The following CD46 variants were observed in gnomAD, a reference collection of about 807,000 sequenced individuals.
CD46 encodes the protein CD46 molecule.
Under a neutral mutation model 53.3 loss-of-function variants are expected in CD46, and 30 were observed. The ratio of observed to expected loss-of-function variants is 0.56; its 90% CI spans 0.42 to 0.76. The LOEUF is 0.76. CD46 is among the 30% of genes least tolerant of loss of function. The pLI is 0.00. For missense variants in CD46, 409 were observed against 463.0 expected (o/e 0.88, Z 1.07); for synonymous variants, 142 against 152.0 (o/e 0.93, Z 0.48).
intron 6 of CD46, chr1:207,767,519 G>C: frequency 9.1e-7 from 1 of 1,095,572 alleles, no homozygotes; most frequent in Non-Finnish European, 1.4e-6. Context: ...TTTTATCTAA[G>C]TAAGTCAACA....
chr1:207,752,436 A>G lies in CD46; in HGVS notation c.97+127A>G. On this transcript the variant is annotated intron_variant, in intron 1 of 12. Transcript: ENST00000367042. This position sits in a 1 kb window ranked among gnomAD's most constrained non-coding sequence, Gnocchi z 4.1. ...GGGGACAGGGTTCTCTGAGGGGTGC[A>G]GTGCTCAGATCCCGGGGGTATGTGG... 1 of 882,822 alleles carries G rather than the reference A, an allele frequency of 1.1e-6. No individual in the cohort carries two copies. Among genetic ancestry groups the G allele is most frequent in the African/African-American group, 1.6e-5 (1 of 61,192 alleles). 54.7% of individuals were successfully genotyped at this position (882,822 alleles called of 1,614,324 possible).
At chr1:207,789,483 T>G (rs1396602359) in intron 11 of CD46, among the ~76,000 whole-genome samples, 1 of 152,166 alleles carries the variant, frequency 6.6e-6, no homozygotes, top group Non-Finnish European at 1.5e-5. Context: ...CTTCAAAAAT[T>G]TTTGAGCAAC....
chr1:207,790,549 C>T (rs149552601), intron 12 of CD46, among the ~76,000 whole-genome samples: 25 of 152,230 alleles, frequency 1.6e-4, no homozygotes, highest in South Asian at 6.2e-4. Context: ...CAGGCTTTGA[C>T]GTAGGCTTTA....
chr1:207,768,648 T>C lies in CD46; in HGVS notation c.901+825T>C, dbSNP rs1206859473. 2.0e-5 allele frequency: 3 copies of C among 152,256 alleles called. No individual in the cohort carries two copies. In the East Asian group the frequency reaches 5.8e-4, roughly 29 times the overall value. 9.4% of individuals were successfully genotyped at this position (152,256 alleles called of 1,614,324 possible). ...AATAGAAGACTTTTGCAGGGACTCC[T>C]GGTCAACCACTGTGCTTATGACTGG... On this transcript the variant is annotated intron_variant, in intron 7 of 12. Coordinates refer to ENST00000367042, the MANE Select transcript of CD46 (RefSeq NM_172351.3).
At chr1:207,765,931 A>G (rs1656793960) in intron 5 of CD46, among the ~76,000 whole-genome samples, 1 of 152,210 alleles carries the variant, frequency 6.6e-6, no homozygotes, top group Non-Finnish European at 1.5e-5. Flanking sequence ...TGAATGAACC[A>G]CCTGTGCTAC....
At chr1:207,769,859 T>G in intron 7 of CD46, 1 of 164,090 alleles carries the variant, frequency 6.1e-6, no homozygotes, top group Non-Finnish European at 1.3e-5. Context: ...GCCTCCCGGG[T>G]TCAAGCGGTT....
In CD46 at chr1:207,793,731, C is replaced by T; in HGVS notation, c.*254C>T. On this transcript the variant is annotated 3_prime_UTR_variant, in exon 13 of 13. Coordinates refer to ENST00000367042, the MANE Select transcript of CD46 (RefSeq NM_172351.3). Reference sequence around the variant, plus strand: ...AATGTGGCTTGAATGTAGGTAGCATCCTTTGATGCTTCTTTGAAACTTGTA... The same window carrying T: ...AATGTGGCTTGAATGTAGGTAGCATTCTTTGATGCTTCTTTGAAACTTGTA... The T allele has an allele frequency of 1.4e-6, 1 of 740,402 alleles. No individual in the cohort carries two copies. Among genetic ancestry groups the T allele is most frequent in the East Asian group, 2.7e-5 (1 of 37,242 alleles). 45.9% of individuals were successfully genotyped at this position (740,402 alleles called of 1,614,324 possible).
At chr1:207,753,800 T>G (rs1655194079) in intron 1 of CD46, among the ~76,000 whole-genome samples, 1 of 152,256 alleles carries the variant, frequency 6.6e-6, no homozygotes, top group Non-Finnish European at 1.5e-5. Context: ...GCGCGTCATG[T>G]GTATCTATGT....
At chr1:207,754,833 G>A (rs969884832) in intron 1 of CD46, among the ~76,000 whole-genome samples, 2 of 147,456 alleles carry the variant, frequency 1.4e-5, no homozygotes, top group African/African-American at 2.5e-5. Context: ...GGGAGTAGTG[G>A]TGATAAGAAG....
chr1:207,767,481 C>T (rs1656990023), intron 6 of CD46: 1 of 870,178 alleles, frequency 1.1e-6, no homozygotes, highest in Non-Finnish European at 1.9e-6. Context: ...TGAATTACAA[C>T]AACTTTTTGG....
chr1:207,756,232 T>C (rs1384944111), intron 1 of CD46, among the ~76,000 whole-genome samples: 3 of 152,096 alleles, frequency 2.0e-5, no homozygotes, highest in African/African-American at 7.2e-5. Context: ...AGCTATTCAG[T>C]GTGGCAGAGT....
intron 10 of CD46, 91 bp downstream of exon 10, chr1:207,785,197 T>C (rs1216901307): frequency 2.7e-5 from 29 of 1,062,152 alleles, no homozygotes; most frequent in Non-Finnish European, 3.9e-5. Flanking sequence ...CTATAGTTTT[T>C]TCAGCTTGTA....
chr1:207,772,385 C>A (rs1420903132), intron 8 of CD46, among the ~76,000 whole-genome samples: 1 of 152,132 alleles, frequency 6.6e-6, no homozygotes, highest in Admixed American at 6.6e-5. Flanking sequence ...TAATTGAATA[C>A]CCTTTATTTC....
chr1:207,789,257 A>G (rs1269696154), intron 11 of CD46, among the ~76,000 whole-genome samples: 1 of 152,204 alleles, frequency 6.6e-6, no homozygotes, highest in African/African-American at 2.4e-5. Flanking sequence ...ATTACCTGTG[A>G]CAAATAGTTT....
chr1:207,790,132 C>A (rs1247712899), intron 11 of CD46, 121 bp from the exon 12 acceptor site: 7 of 724,406 alleles, frequency 9.7e-6, no homozygotes, highest in Non-Finnish European at 1.8e-5. Context: ...AAGTTATGAA[C>A]CTAATTCTCA....
chr1:207,792,950 T>TAA (rs1659937401), intron 12 of CD46, among the ~76,000 whole-genome samples: 1 of 152,272 alleles, frequency 6.6e-6, no homozygotes, highest in Non-Finnish European at 1.5e-5. Context: ...TGGAAAATTT[T>TAA]AAATTACATG....
Position 207,757,717 on chromosome 1 carries a change from C to T in CD46, c.389+75C>T, listed in dbSNP as rs1009094887. On this transcript the variant is annotated intron_variant, in intron 3 of 12. Transcript: ENST00000367042. ...TGTTTTGCTTCTCTTCTTAAGCATT[C>T]CTGTAAACTTAATTTTGCTTTCTAT... 8 of 957,870 alleles carry T rather than the reference C, an allele frequency of 8.4e-6. No individual in the cohort carries two copies. The African/African-American group carries it at 1.3e-4, about 16-fold the overall frequency. The allele number at this position is 957,870 out of a possible 1,614,324, so 59.3% of individuals were successfully genotyped here.
At chr1:207,771,478 A>G (rs1020666721) in intron 8 of CD46, among the ~76,000 whole-genome samples, 4 of 151,872 alleles carry the variant, frequency 2.6e-5, no homozygotes, top group African/African-American at 4.8e-5. Context: ...GCCCGTGCCT[A>G]TGTCCTGAAT....
At chr1:207,777,837 G>C (rs975510630) in intron 8 of CD46, among the ~76,000 whole-genome samples, 1 of 152,104 alleles carries the variant, frequency 6.6e-6, no homozygotes, top group Non-Finnish European at 1.5e-5. Flanking sequence ...TGGTAGTTCT[G>C]CTTTTAGGTC....
Sources: gnomAD v4.1 joint callset for allele counts (sites outside exome capture counted in the v4.1 genomes callset) on GRCh38, gnomAD v4.1.1 for gene constraint, Gnocchi (gnomAD v3.1) non-coding constraint, MANE v1.5 for transcripts, NCBI Gene and HGNC (gene_info 2026-07-23, HGNC 2026-07-21) for gene names.